Variants in PRKN observed in about 807,000 individuals in gnomAD.
PRKN encodes parkin RBR E3 ubiquitin protein ligase.
Under a neutral mutation model 59.5 loss-of-function variants are expected in PRKN, and 56 were observed. That is an observed-to-expected ratio of 0.94 (90% CI 0.76 to 1.18). The LOEUF (loss-of-function observed/expected upper bound fraction) is 1.18, where lower values mean the gene tolerates loss of function less well. PRKN is among the 50% of genes most tolerant of loss of function. PRKN has a pLI of 0.00. For synonymous variants in PRKN, 250 were observed against 222.1 expected (o/e 1.13, Z -1.12); for missense variants, 657 against 596.4 (o/e 1.10, Z -1.06).
Position 162,364,363 on chromosome 6 carries a change from C to T in PRKN, c.171+78947G>A, listed in dbSNP as rs974486894. 9.2e-5 allele frequency among the ~76,000 whole-genome samples: 14 copies of T among 152,238 alleles called. No individual in the cohort carries two copies. In the East Asian group the frequency reaches 2.5e-3, roughly 27 times the overall value. On this transcript the variant is annotated intron_variant, in intron 2 of 11. Coordinates refer to ENST00000366898, the MANE Select transcript of PRKN (RefSeq NM_004562.3). ...AGCTTTTTTGAGTTGTCATCAGTGT[C>T]GTGGAGACTTGCGCCTTCCAATTAC...
At chr6:161,813,286 C>T (rs1020509699) in intron 6 of PRKN, among the ~76,000 whole-genome samples, 1 of 152,096 alleles carries the variant, frequency 6.6e-6, no homozygotes, top group East Asian at 1.9e-4. Context: ...GCATGTGAGT[C>T]CCCCTTTGCC....
chr6:162,654,782 G>A lies in PRKN; in HGVS notation c.7+72880C>T, dbSNP rs1778578149. Reference sequence around the variant, plus strand: ...CCTCAGGAAACTTACAATCATGGCGGAAGGGGAAGCAAACACTTCTTTCTA... The same window carrying A: ...CCTCAGGAAACTTACAATCATGGCGAAAGGGGAAGCAAACACTTCTTTCTA... On this transcript the variant is annotated intron_variant, in intron 1 of 11. Transcript: ENST00000366898. 5.3e-5 allele frequency among the ~76,000 whole-genome samples: 8 copies of A among 152,246 alleles called. No individual in the cohort carries two copies. In the South Asian group the frequency reaches 1.7e-3, roughly 32 times the overall value.
rs1784581038 is a variant in PRKN at position 161,352,339 on chromosome 6, C to G, written c.1286-2128G>C. Reference sequence around the variant, plus strand: ...TGCAAAATCTCCTGTTTTCCTAATCCTTTCTGGCTTGTTTTAAAGATCATA... The same window carrying G: ...TGCAAAATCTCCTGTTTTCCTAATCGTTTCTGGCTTGTTTTAAAGATCATA... On this transcript the variant is annotated intron_variant, in intron 11 of 11. Transcript: ENST00000366898. The surrounding 1 kb of genome is among the most constrained non-coding windows in gnomAD (Gnocchi z 5.8). Among the ~76,000 whole-genome samples the G allele has an allele frequency of 6.6e-6, 1 of 152,028 alleles. No individual in the cohort carries two copies. The highest frequency in any genetic ancestry group is 2.1e-4 in the South Asian group (1 of 4,828).
At chr6:161,384,149 G>A (rs1387861496) in intron 10 of PRKN, among the ~76,000 whole-genome samples, 1 of 152,144 alleles carries the variant, frequency 6.6e-6, no homozygotes, top group Admixed American at 6.6e-5. Context: ...GGCATCTATT[G>A]AAGCCGTAGA....
At chr6:161,706,778 G>A (rs957563373) in intron 7 of PRKN, among the ~76,000 whole-genome samples, 8 of 152,074 alleles carry the variant, frequency 5.3e-5, no homozygotes, top group East Asian at 1.9e-4. Flanking sequence ...GGCTGGTCTC[G>A]AACTCCTGGC....
intron 2 of PRKN, among the ~76,000 whole-genome samples, chr6:162,399,901 GA>G: frequency 6.6e-6 from 1 of 152,082 alleles, no homozygotes; most frequent in Admixed American, 6.6e-5. Flanking sequence ...GTATGATTTG[GA>G]AAAAAAAGAA....
intron 3 of PRKN, among the ~76,000 whole-genome samples, chr6:162,221,917 AT>A (rs1762291360): frequency 1.3e-5 from 2 of 152,326 alleles, no homozygotes; most frequent in South Asian, 4.1e-4. Context: ...GGTATAGAGA[AT>A]TCAGACACTA....
intron 9 of PRKN, among the ~76,000 whole-genome samples, chr6:161,398,385 G>A (rs1786867418): frequency 6.6e-6 from 1 of 152,066 alleles, no homozygotes; most frequent in Non-Finnish European, 1.5e-5. Flanking sequence ...TCCCAGACTA[G>A]CACCATCAGC....
intron 6 of PRKN, among the ~76,000 whole-genome samples, chr6:161,893,581 T>G (rs764243663): frequency 2.0e-5 from 3 of 152,194 alleles, no homozygotes; most frequent in Non-Finnish European, 2.9e-5. Context: ...GTTCTTCATC[T>G]TTTCTGAGCC....
At chr6:161,653,584 T>C (rs973272264) in intron 7 of PRKN, among the ~76,000 whole-genome samples, 2 of 152,204 alleles carry the variant, frequency 1.3e-5, no homozygotes, top group African/African-American at 4.8e-5. Context: ...AGGAACTTTG[T>C]TCCACTAACT....
At chr6:161,957,887 C>T (rs1780241505) in intron 6 of PRKN, among the ~76,000 whole-genome samples, 1 of 152,192 alleles carries the variant, frequency 6.6e-6, no homozygotes, top group Non-Finnish European at 1.5e-5. Context: ...TCAAGGCTTT[C>T]ATTAACTACG....
In PRKN at chr6:161,550,738, C is replaced by CGTGTGTGTGTGTGTGT. The variant is rs57908717; in HGVS notation, c.934-1751_934-1736dup. On this transcript the variant is annotated intron_variant, in intron 8 of 11. Coordinates refer to ENST00000366898, the MANE Select transcript of PRKN (RefSeq NM_004562.3). The surrounding 1 kb of genome is among the most constrained non-coding windows in gnomAD (Gnocchi z 4.0). ...AAGAAAGGGTATGTGTGTGTGTGCA[C>CGTGTGTGTGTGTGTGT]GTGTGTGTGTGTGTGTGTGTGTGTA... is the stretch of plus-strand genomic sequence containing the variant. Among the ~76,000 whole-genome samples, 749 of 146,294 alleles carry CGTGTGTGTGTGTGTGT rather than the reference C, an allele frequency of 5.1e-3. 3 individuals are homozygous for CGTGTGTGTGTGTGTGT. The highest frequency in any genetic ancestry group is 6.0e-3 in the Non-Finnish European group (402 of 66,752).
intron 3 of PRKN, among the ~76,000 whole-genome samples, chr6:162,233,493 T>C (rs750522037): frequency 1.3e-5 from 2 of 152,160 alleles, no homozygotes. Context: ...GTTATGTTAA[T>C]GGAAAGTGAA....
intron 1 of PRKN, among the ~76,000 whole-genome samples, chr6:162,673,860 G>A (rs1454149009): frequency 6.6e-6 from 1 of 152,160 alleles, no homozygotes; most frequent in East Asian, 1.9e-4. Context: ...GGCGGAAGGC[G>A]GCAGTGTTTA....
rs990275423 is a variant in PRKN, at chr6:161,785,462, G to C, written c.871+310C>G. Among the ~76,000 whole-genome samples the C allele has an allele frequency of 4.6e-5, 7 of 152,172 alleles. No homozygotes were observed. The South Asian group carries it at 1.5e-3, about 32-fold the overall frequency. Reference sequence around the variant, plus strand: ...TTAGGTAATACTGCTCTAGTTCCACGGTAACAAATCTAGAACATGGAGAGT... The same window carrying C: ...TTAGGTAATACTGCTCTAGTTCCACCGTAACAAATCTAGAACATGGAGAGT... On this transcript the variant is annotated intron_variant, in intron 7 of 11. Transcript: ENST00000366898.
chr6:162,619,654 T>C (rs539272668), intron 1 of PRKN, among the ~76,000 whole-genome samples: 1 of 152,222 alleles, frequency 6.6e-6, no homozygotes, highest in South Asian at 2.1e-4. Flanking sequence ...AATATAACAG[T>C]TGTATAAAAA....
chr6:161,629,570 C>G (rs1363360076), intron 7 of PRKN, among the ~76,000 whole-genome samples: 3 of 152,104 alleles, frequency 2.0e-5, no homozygotes, highest in Non-Finnish European at 4.4e-5. Context: ...CAAAAGGCAC[C>G]CTATACATGA....
rs184618833 is a variant in PRKN at position 162,335,262 on chromosome 6, G to C, written c.172-72497C>G. Among the ~76,000 whole-genome samples the C allele has an allele frequency of 1.6e-3, 241 of 151,724 alleles. 1 individual carries two copies. Among genetic ancestry groups the C allele is most frequent in the African/African-American group, 5.6e-3 (232 of 41,348 alleles). On this transcript the variant is annotated intron_variant, in intron 2 of 11. Coordinates refer to ENST00000366898, the MANE Select transcript of PRKN (RefSeq NM_004562.3). The stretch of plus-strand genomic sequence containing the variant: ...TCGCTAGGTTAGGCAGGGTGGTCTT[G>C]AACTCCTGACCTCAGGTGATCTGCC...
At chr6:162,289,675 G>A (rs1057309982) in intron 2 of PRKN, among the ~76,000 whole-genome samples, 39 of 141,072 alleles carry the variant, frequency 2.8e-4, no homozygotes, top group Non-Finnish European at 5.5e-4. Context: ...CCAACAGAGC[G>A]AGACACTGTC....
Sources: allele counts gnomAD v4.1 joint callset (sites outside exome capture counted in the v4.1 genomes callset), GRCh38; gene constraint gnomAD v4.1.1; non-coding constraint Gnocchi (gnomAD v3.1); transcripts MANE v1.5; gene names NCBI Gene and HGNC (gene_info 2026-07-23, HGNC 2026-07-21).